Variants in TLR2 observed in about 807,000 individuals in gnomAD.
TLR2 encodes toll-like receptor 2.
A neutral mutation model predicts 9.1 loss-of-function variants in TLR2; 7 were observed. The observed-to-expected ratio is 0.77, with a 90% CI of 0.44 to 1.44. The LOEUF is 1.44. Ranked by LOEUF, TLR2 falls within the 40% of genes most tolerant of loss-of-function variation. The pLI is 0.01. For synonymous variants in TLR2, 317 were observed against 344.6 expected, an observed-to-expected ratio of 0.92 and a Z score of 0.89; for missense variants, 812 against 904.6, an observed-to-expected ratio of 0.90 and a Z score of 1.31.
chr4:153,701,515 A>C (rs942886435), intron 2 of TLR2: 1 of 152,214 alleles, frequency 6.6e-6, no homozygotes, highest in Non-Finnish European at 1.5e-5. Context: ...CTAATGGACT[A>C]AGACAAAAAG....
intron 2 of TLR2, among the ~76,000 whole-genome samples, chr4:153,689,699 T>C (rs1214109099): frequency 6.6e-6 from 1 of 152,242 alleles, no homozygotes; most frequent in Non-Finnish European, 1.5e-5. Context: ...CAGCCAAGAT[T>C]GATAAATATG....
chr4:153,704,835 C>T lies in TLR2; in HGVS notation c.1928C>T (p.Ala643Val). Residue 643 changes from alanine (A) to valine (V), a missense_variant, in exon 3 of 3, where the codon GCA (alanine) becomes GTA (valine). Ala to Val is a moderately conservative substitution (Grantham distance 64, BLOSUM62 0). Transcript: ENST00000642700. ...KAPSRNICYD[A>V]FVSYSERDAY... is the part of the protein sequence containing the mutation. ...CCCAGCAGGAACATCTGCTATGATGCATTTGTTTCTTACAGTGAGCGGGAT... is the reference window on the plus strand; with the variant it reads ...CCCAGCAGGAACATCTGCTATGATGTATTTGTTTCTTACAGTGAGCGGGAT... 8 of 1,614,032 alleles carry T rather than the reference C, an allele frequency of 5.0e-6. No homozygotes were observed. The highest frequency in any genetic ancestry group is 6.8e-6 in the Non-Finnish European group (8 of 1,179,996).
Position 153,704,293 on chromosome 4 carries a change from A to C in TLR2, c.1386A>C (p.Leu462Phe). ...TGCIPKTLEI[L>F]DVSNNNLNLF... ...GCATTCCCAAGACACTGGAAATTTT[A>C]GATGTTAGCAACAACAATCTCAATT... The change falls in exon 3 of 3, where the codon TTA becomes TTC. Residue 462 changes from leucine (L) to phenylalanine (F), a missense_variant. Coordinates refer to ENST00000642700, the MANE Select transcript of TLR2 (RefSeq NM_001318789.2). 1.2e-5 allele frequency: 19 copies of C among 1,614,050 alleles called. No individual in the cohort carries two copies. The highest frequency in any genetic ancestry group is 1.6e-5 in the Non-Finnish European group (19 of 1,180,010).
intron 2 of TLR2, among the ~76,000 whole-genome samples, chr4:153,698,424 G>A (rs182335281): frequency 6.6e-6 from 1 of 152,082 alleles, no homozygotes; most frequent in Non-Finnish European, 1.5e-5. Flanking sequence ...ACCTGAATTG[G>A]AGAAACAAAA....
At chr4:153,710,256 G>A, downstream of TLR2, 1 of 792,210 alleles carries the variant, frequency 1.3e-6, no homozygotes, top group Admixed American at 3.4e-5. Context: ...TGACAACAAA[G>A]TTTACTTAGT....
chr4:153,710,414 C>T, downstream of TLR2: 3 of 1,578,338 alleles, frequency 1.9e-6, no homozygotes, highest in African/African-American at 1.3e-5. Context: ...CTATTCCTAT[C>T]ACCACAGGTT....
chr4:153,697,299 G>C (rs1297846541), intron 2 of TLR2, among the ~76,000 whole-genome samples: 1 of 152,092 alleles, frequency 6.6e-6, no homozygotes, highest in African/African-American at 2.4e-5. Flanking sequence ...CTCTTAATAA[G>C]AAATTGAAAG....
intron 2 of TLR2, among the ~76,000 whole-genome samples, chr4:153,699,157 A>G (rs1462625094): frequency 6.6e-6 from 1 of 152,206 alleles, no homozygotes; most frequent in Non-Finnish European, 1.5e-5. Flanking sequence ...TGACCCCTGT[A>G]GCACACAGTG....
intron 2 of TLR2, among the ~76,000 whole-genome samples, chr4:153,690,201 C>T (rs1736010875): frequency 2.0e-5 from 3 of 152,234 alleles, no homozygotes; most frequent in Admixed American, 6.5e-5. Context: ...CTGCTGATAG[C>T]ATCTGGCCTT....
downstream of TLR2, chr4:153,710,492 A>G (rs984980638): frequency 6.2e-7 from 1 of 1,609,390 alleles, no homozygotes; most frequent in African/African-American, 1.3e-5. Flanking sequence ...GCTCCCAGCT[A>G]AATCTCAGTT....
intron 2 of TLR2, among the ~76,000 whole-genome samples, chr4:153,698,587 T>C (rs1406913773): frequency 6.6e-6 from 1 of 152,170 alleles, no homozygotes. Flanking sequence ...TATGAAAAAA[T>C]ATTGGTGTTA....
intron 2 of TLR2, among the ~76,000 whole-genome samples, chr4:153,689,733 G>T (rs371637017): frequency 6.6e-6 from 1 of 152,230 alleles, no homozygotes; most frequent in Admixed American, 6.5e-5. Flanking sequence ...ATTGTTCTCT[G>T]TGTTAGCCCT....
chr4:153,706,718 A>G (rs1308649919), downstream of TLR2, among the ~76,000 whole-genome samples: 1 of 152,224 alleles, frequency 6.6e-6, no homozygotes, highest in Non-Finnish European at 1.5e-5. Flanking sequence ...TCAATTCTCA[A>G]CCAGAACTGG....
intron 2 of TLR2, among the ~76,000 whole-genome samples, chr4:153,690,786 T>C (rs1196223918): frequency 1.3e-5 from 2 of 152,238 alleles, no homozygotes; most frequent in Admixed American, 1.3e-4. Flanking sequence ...TGAAAGTGTC[T>C]AGCATTAGAT....
chr4:153,702,449 C>G (rs78870609), intron 2 of TLR2: 1 of 154,418 alleles, frequency 6.5e-6, no homozygotes, highest in African/African-American at 2.4e-5. Flanking sequence ...TGAATCAAGG[C>G]GGCCACTGAA....
intron 1 of TLR2, 84 bp from the exon 2 acceptor site, chr4:153,687,816 CTG>C (rs2127011550): frequency 6.6e-6 from 1 of 152,326 alleles, no homozygotes; most frequent in Non-Finnish European, 1.5e-5. Flanking sequence ...TGGATGCTCT[CTG>C]AAACTTTTGT....
Position 153,703,776 on chromosome 4 carries a change from A to G in TLR2, c.869A>G (p.Asn290Ser). The change falls in exon 3 of 3, where the codon AAT (asparagine) becomes AGT (serine). Residue 290 changes from asparagine (N) to serine (S), a missense_variant. By Grantham distance (46) the Asn-to-Ser change is conservative. Transcript: ENST00000642700. Reference sequence around the variant, plus strand: ...TTAGAGTTTGATGACTGTACCCTTAATGGAGTTGGTAATTTTAGAGCATCT... The same window carrying G: ...TTAGAGTTTGATGACTGTACCCTTAGTGGAGTTGGTAATTTTAGAGCATCT... ...LELEFDDCTL[N>S]GVGNFRASDN... is the part of the protein sequence containing the mutation. The G allele has an allele frequency of 6.2e-7, 1 of 1,613,948 alleles. No individual in the cohort carries two copies. The highest frequency in any genetic ancestry group is 8.5e-7 in the Non-Finnish European group (1 of 1,179,978).
Position 153,703,389 on chromosome 4 carries a change from C to T in TLR2, c.482C>T (p.Thr161Ile), listed in dbSNP as rs1249409899. Residue 161 changes from threonine to isoleucine, a missense_variant, in exon 3 of 3, where the codon ACC becomes ATC. Transcript: ENST00000642700. ...LQILRVGNMDTFTKIQRKDFA... is the reference protein window; with the variant it reads ...LQILRVGNMDIFTKIQRKDFA... Reference sequence around the variant, plus strand: ...ATCCTGAGAGTGGGAAATATGGACACCTTCACTAAGATTCAAAGAAAAGAT... The same window carrying T: ...ATCCTGAGAGTGGGAAATATGGACATCTTCACTAAGATTCAAAGAAAAGAT... The T allele has an allele frequency of 6.2e-7, 1 of 1,614,056 alleles. No homozygotes were observed. The highest frequency in any genetic ancestry group is 8.5e-7 in the Non-Finnish European group (1 of 1,180,014).
chr4:153,687,061 T>C (rs1382709031), intron 1 of TLR2, among the ~76,000 whole-genome samples: 3 of 152,142 alleles, frequency 2.0e-5, no homozygotes, highest in African/African-American at 4.8e-5. Flanking sequence ...ATTTGGAAAT[T>C]AGTAAATTTC....
Sources: gnomAD v4.1 joint callset for allele counts (sites outside exome capture counted in the v4.1 genomes callset) on GRCh38, gnomAD v4.1.1 for gene constraint, MANE v1.5 for transcripts, NCBI Gene and HGNC (gene_info 2026-07-23, HGNC 2026-07-21) for gene names.